Variants in DENND5B observed in about 807,000 individuals in gnomAD.
DENND5B encodes the protein DENN domain containing 5B.
In DENND5B, 34 loss-of-function variants were observed where a neutral mutation model predicts 140.6. The ratio of observed to expected loss-of-function variants is 0.24; its 90% CI spans 0.18 to 0.32. The LOEUF (loss-of-function observed/expected upper bound fraction) is 0.32, where lower values mean the gene tolerates loss of function less well. Ranked by LOEUF, DENND5B falls within the 10% of genes least tolerant of loss-of-function variation. The pLI is 1.00. For missense variants in DENND5B, 1,142 were observed against 1,560.2 expected (o/e 0.73, Z 4.52); for synonymous variants, 551 against 562.1 (o/e 0.98, Z 0.28).
intron 3 of DENND5B, among the ~76,000 whole-genome samples, chr12:31,476,060 A>G (rs1945792329): frequency 6.6e-6 from 1 of 152,008 alleles, no homozygotes; most frequent in Non-Finnish European, 1.5e-5. Flanking sequence ...CAGGAGGTGG[A>G]GGTTGCAATA....
intron 3 of DENND5B, among the ~76,000 whole-genome samples, chr12:31,463,235 G>A (rs1419642171): frequency 6.6e-6 from 1 of 152,216 alleles, no homozygotes; most frequent in Admixed American, 6.5e-5. Flanking sequence ...CTCCAGGCCT[G>A]GGTGACAGAG....
At chr12:31,508,548 T>G (rs1235500448) in intron 1 of DENND5B, among the ~76,000 whole-genome samples, 1 of 152,206 alleles carries the variant, frequency 6.6e-6, no homozygotes, top group Admixed American at 6.5e-5. Flanking sequence ...CTAAATATGT[T>G]AGAAACGAGA....
intron 1 of DENND5B, among the ~76,000 whole-genome samples, chr12:31,542,956 C>T (rs1948737396): frequency 6.6e-6 from 1 of 152,026 alleles, no homozygotes; most frequent in African/African-American, 2.4e-5. Flanking sequence ...GACCCTGTCT[C>T]AAATAAGTAA....
At chr12:31,459,557 G>A (rs1944924469) in intron 4 of DENND5B, among the ~76,000 whole-genome samples, 1 of 151,806 alleles carries the variant, frequency 6.6e-6, no homozygotes, top group East Asian at 1.9e-4. Context: ...CAAAGTGCTG[G>A]GATTACAAGC....
rs1289747104 is a variant in DENND5B, at chr12:31,385,596, G to A, written c.*2007C>T. Reference sequence around the variant, plus strand: ...ATAAACTTCCCATGTCCCTGGAAGAGCTGTACCATTGTAGACACACTTTAG... The same window carrying A: ...ATAAACTTCCCATGTCCCTGGAAGAACTGTACCATTGTAGACACACTTTAG... On this transcript the variant is annotated 3_prime_UTR_variant, in exon 21 of 21. Transcript: ENST00000389082. The A allele has an allele frequency of 6.6e-6, 1 of 152,266 alleles. No individual in the cohort carries two copies. The highest frequency in any genetic ancestry group is 2.4e-5 in the African/African-American group (1 of 41,452). The allele number at this position is 152,266 out of a possible 1,614,324, so 9.4% of individuals were successfully genotyped here.
chr12:31,568,909 C>T (rs531709200), intron 1 of DENND5B, among the ~76,000 whole-genome samples: 1 of 152,126 alleles, frequency 6.6e-6, no homozygotes, highest in South Asian at 2.1e-4. Flanking sequence ...TTGAAGTGGG[C>T]TAATCTATAT....
Position 31,509,625 on chromosome 12 carries a change from A to G in DENND5B, c.128-13706T>C, listed in dbSNP as rs568623305. ...GAGATAGTTTATTATGCAACAATAA[A>G]TAACTGGAAAAAATAGTGAACAAAA... is the stretch of plus-strand genomic sequence containing the variant. On this transcript the variant is annotated intron_variant, in intron 1 of 20. Transcript: ENST00000389082. 2.9e-4 allele frequency among the ~76,000 whole-genome samples: 44 copies of G among 152,340 alleles called. 1 individual carries two copies. The highest frequency in any genetic ancestry group is 9.9e-4 in the African/African-American group (41 of 41,570).
chr12:31,435,658 T>C (rs1309413118), intron 7 of DENND5B, among the ~76,000 whole-genome samples: 1 of 151,434 alleles, frequency 6.6e-6, no homozygotes, highest in Non-Finnish European at 1.5e-5. Context: ...TTAAATTTTG[T>C]TTTAGTTTGT....
At chr12:31,495,762 A>G in intron 2 of DENND5B, 48 bp downstream of exon 2, 2 of 1,345,888 alleles carry the variant, frequency 1.5e-6, no homozygotes, top group South Asian at 2.7e-5. Context: ...CATATTAATA[A>G]AGTGAAAACA....
chr12:31,532,673 T>A, intron 1 of DENND5B, among the ~76,000 whole-genome samples: 1 of 152,076 alleles, frequency 6.6e-6, no homozygotes, highest in East Asian at 1.9e-4. Flanking sequence ...TGATAAGTTA[T>A]TGAGGATAAA....
chr12:31,446,799 A>G (rs1358710962), intron 6 of DENND5B, among the ~76,000 whole-genome samples: 1 of 151,504 alleles, frequency 6.6e-6, no homozygotes, highest in Non-Finnish European at 1.5e-5. Flanking sequence ...GGGCAGGAGA[A>G]TGGCGTGAAC....
rs191366774 is a variant in DENND5B, at chr12:31,467,163, T to C, written c.905-6782A>G. Among the ~76,000 whole-genome samples, 389 of 152,078 alleles carry C rather than the reference T, an allele frequency of 2.6e-3. 2 individuals are homozygous for C. The highest frequency in any genetic ancestry group is 6.8e-3 in the Middle Eastern group (2 of 294). On this transcript the variant is annotated intron_variant, in intron 3 of 20. Coordinates refer to ENST00000389082, the MANE Select transcript of DENND5B (RefSeq NM_144973.4). ...AGTACTAAGGAAAAAAAAAAAACTT[T>C]TAACATAGAATTTAACATCCAATGA...
Position 31,460,132 on chromosome 12 carries a change from C to T in DENND5B, c.1092+62G>A, listed in dbSNP as rs1035534332. ...TTTTGACAAAGACAATGCAATCTAA[C>T]GAAAGTCGCCTTGACCTAAATCAGC... On this transcript the variant is annotated intron_variant, in intron 4 of 20. Transcript: ENST00000389082. 6.4e-5 allele frequency: 95 copies of T among 1,492,302 alleles called. 1 individual carries two copies. In the Middle Eastern group the frequency reaches 1.1e-3, roughly 17 times the overall value. 92.4% of individuals were successfully genotyped at this position (1,492,302 alleles called of 1,614,324 possible).
At chr12:31,495,948 T>G (rs1946746722) in intron 1 of DENND5B, 29 bp from the exon 2 acceptor site, 2 of 1,481,746 alleles carry the variant, frequency 1.3e-6, no homozygotes, top group Non-Finnish European at 1.8e-6. Flanking sequence ...AGTTAATATC[T>G]AGAACTTTTC....
At chr12:31,562,539 G>A (rs1402761146) in intron 1 of DENND5B, among the ~76,000 whole-genome samples, 6 of 152,032 alleles carry the variant, frequency 3.9e-5, no homozygotes, top group African/African-American at 1.5e-4. Flanking sequence ...AGTTGAACCC[G>A]GGAGGTGGAG....
chr12:31,507,422 A>G (rs1481979855), intron 1 of DENND5B, among the ~76,000 whole-genome samples: 1 of 152,202 alleles, frequency 6.6e-6, no homozygotes, highest in Non-Finnish European at 1.5e-5. Flanking sequence ...ATCATTTGCC[A>G]CTGCACCTGG....
chr12:31,447,387 G>T, intron 6 of DENND5B, 151 bp downstream of exon 6: 1 of 677,582 alleles, frequency 1.5e-6, no homozygotes, highest in Non-Finnish European at 2.4e-6. Context: ...GACTCAGAAA[G>T]AAAAATTTAC....
At chr12:31,502,043 G>A (rs575749250) in intron 1 of DENND5B, among the ~76,000 whole-genome samples, 15 of 152,144 alleles carry the variant, frequency 9.9e-5, no homozygotes, top group South Asian at 8.3e-4. Flanking sequence ...CTTGCCGGGC[G>A]CAGTGGCTCA....
intron 14 of DENND5B, among the ~76,000 whole-genome samples, chr12:31,407,593 T>C (rs1314280931): frequency 6.6e-6 from 1 of 152,214 alleles, no homozygotes. Flanking sequence ...TACACAATTC[T>C]GGCCAGTGAA....
Sources: gnomAD v4.1 joint callset for allele counts (sites outside exome capture counted in the v4.1 genomes callset) on GRCh38, gnomAD v4.1.1 for gene constraint, MANE v1.5 for transcripts, NCBI Gene and HGNC (gene_info 2026-07-23, HGNC 2026-07-21) for gene names.